Variants in GRIK2 observed in about 807,000 individuals in gnomAD.
GRIK2 encodes glutamate ionotropic receptor kainate type subunit 2, also known as glutamate receptor ionotropic, kainate 2.
A neutral mutation model predicts 100.3 loss-of-function variants in GRIK2; 32 were observed. The observed-to-expected ratio is 0.32, with a 90% CI of 0.24 to 0.43. The LOEUF is 0.43. Ranked by LOEUF, GRIK2 falls within the 20% of genes least tolerant of loss-of-function variation. The pLI, the probability that GRIK2 is intolerant of heterozygous loss-of-function variation, is 1.00. For missense variants in GRIK2, 843 were observed against 1,114.9 expected (o/e 0.76, Z 3.47); for synonymous variants, 417 against 389.4 (o/e 1.07, Z -0.83).
At chr6:101,630,545 C>T (rs1780680421) in intron 4 of GRIK2, among the ~76,000 whole-genome samples, 1 of 151,930 alleles carries the variant, frequency 6.6e-6, no homozygotes, top group Non-Finnish European at 1.5e-5. Flanking sequence ...CCTTTGCTTA[C>T]TTTTTTAATG....
rs1439714977 is a variant in GRIK2 at position 101,453,242 on chromosome 6, A to G, written c.115+53850A>G. The stretch of plus-strand genomic sequence containing the variant: ...CCGTTCCCAGTAGTTTCTTTTTTTC[A>G]TTCATCTTCAGATTTATCCATCCCT... On this transcript the variant is annotated intron_variant, in intron 2 of 16. Coordinates refer to ENST00000369134, the MANE Select transcript of GRIK2 (RefSeq NM_021956.5). 2.0e-5 allele frequency among the ~76,000 whole-genome samples: 3 copies of G among 151,064 alleles called. No individual in the cohort carries two copies. In the South Asian group the frequency reaches 6.2e-4, roughly 31 times the overall value.
intron 7 of GRIK2, among the ~76,000 whole-genome samples, chr6:101,758,845 CT>C (rs1777302986): frequency 6.6e-6 from 1 of 152,050 alleles, no homozygotes; most frequent in Non-Finnish European, 1.5e-5. Context: ...CATAGGAAAG[CT>C]TTTTGGAGAC....
intron 2 of GRIK2, among the ~76,000 whole-genome samples, chr6:101,429,744 G>A (rs1388941459): frequency 5.3e-5 from 8 of 151,808 alleles, no homozygotes; most frequent in East Asian, 1.9e-4. Flanking sequence ...ACACAATGAC[G>A]TGTTGCTGGG....
chr6:101,649,527 G>T (rs1781692133), intron 4 of GRIK2, among the ~76,000 whole-genome samples: 1 of 152,052 alleles, frequency 6.6e-6, no homozygotes, highest in African/African-American at 2.4e-5. Flanking sequence ...ATGTTTACTA[G>T]CTGATAATCA....
chr6:102,055,458 G>C lies in GRIK2; in HGVS notation c.2440G>C (p.Ala814Pro), dbSNP rs1771416544. 6.2e-7 allele frequency: 1 copy of C among 1,613,890 alleles called. No homozygotes were observed. The highest frequency in any genetic ancestry group is 8.5e-7 in the Non-Finnish European group (1 of 1,179,854). Reference sequence around the variant, plus strand: ...AGAAGAGGAGAGCAAAGAGGCCAGTGCCCTGGGGGTTCAGAATATTGGTGG... The same window carrying C: ...AGAAGAGGAGAGCAAAGAGGCCAGTCCCCTGGGGGTTCAGAATATTGGTGG... ...CPEEESKEAS[A>P]LGVQNIGGIF... The change falls in exon 16 of 17, where the codon GCC (alanine) becomes CCC (proline). Residue 814 changes from alanine to proline, a missense_variant. Ala to Pro is a conservative substitution (Grantham distance 27). This residue lies in a region of GRIK2 where 237 missense variants were observed against 388.0 expected (regional missense o/e 0.61). Transcript: ENST00000369134.
At chr6:101,717,244 A>G (rs1489257380) in intron 7 of GRIK2, among the ~76,000 whole-genome samples, 1 of 151,800 alleles carries the variant, frequency 6.6e-6, no homozygotes, top group African/African-American at 2.4e-5. Flanking sequence ...AGGGGGTTGG[A>G]TGAAAAAATT....
intron 7 of GRIK2, among the ~76,000 whole-genome samples, chr6:101,759,775 CTG>C (rs1330608020): frequency 2.6e-5 from 4 of 150,946 alleles, no homozygotes; most frequent in African/African-American, 7.4e-5. Context: ...CAATAATTGA[CTG>C]TTTTAAAATA....
intron 13 of GRIK2, among the ~76,000 whole-genome samples, chr6:101,925,949 A>G (rs1366575862): frequency 6.6e-6 from 1 of 151,838 alleles, no homozygotes; most frequent in African/African-American, 2.4e-5. Flanking sequence ...TTACCAATAA[A>G]TAATCTTTAA....
chr6:102,031,286 T>C (rs1450605501), intron 14 of GRIK2, among the ~76,000 whole-genome samples: 1 of 151,148 alleles, frequency 6.6e-6, no homozygotes, highest in Non-Finnish European at 1.5e-5. Flanking sequence ...TCATCATCCA[T>C]AGACAATCTG....
At chr6:101,635,002 A>T (rs1047798591) in intron 4 of GRIK2, among the ~76,000 whole-genome samples, 1 of 152,122 alleles carries the variant, frequency 6.6e-6, no homozygotes, top group Non-Finnish European at 1.5e-5. Flanking sequence ...AGGATAAAAT[A>T]AAATTAAAGT....
At chr6:101,466,746 A>G (rs1397638286) in intron 2 of GRIK2, among the ~76,000 whole-genome samples, 1 of 152,164 alleles carries the variant, frequency 6.6e-6, no homozygotes, top group Non-Finnish European at 1.5e-5. Context: ...GCAACCACAA[A>G]AGCTCTGATG....
intron 12 of GRIK2, among the ~76,000 whole-genome samples, chr6:101,919,501 AAC>A (rs1254992216): frequency 6.6e-6 from 1 of 151,840 alleles, no homozygotes; most frequent in Non-Finnish European, 1.5e-5. Context: ...TTCAATTTTA[AAC>A]ATTTTAAGCA....
intron 12 of GRIK2, among the ~76,000 whole-genome samples, chr6:101,894,837 A>G (rs1787338557): frequency 6.6e-6 from 1 of 151,638 alleles, no homozygotes; most frequent in Non-Finnish European, 1.5e-5. Flanking sequence ...TCTGAAATTC[A>G]TTATTGGTCT....
At chr6:101,710,785 G>A (rs60064652) in intron 7 of GRIK2, among the ~76,000 whole-genome samples, 2,698 of 151,708 alleles carry the variant, frequency 0.018, 59 homozygotes, top group African/African-American at 0.054. Flanking sequence ...GCACCAGGGT[G>A]GAAATATTAT....
At chr6:101,646,052 C>T (rs563729317) in intron 4 of GRIK2, among the ~76,000 whole-genome samples, 2 of 151,946 alleles carry the variant, frequency 1.3e-5, no homozygotes, top group South Asian at 4.2e-4. Flanking sequence ...TGTGACTGCC[C>T]ATTCTTCTCA....
rs945859451 is a variant in GRIK2 at position 102,008,253 on chromosome 6, G to A, written c.2086-27088G>A. On this transcript the variant is annotated intron_variant, in intron 14 of 16. Transcript: ENST00000369134. Reference sequence around the variant, plus strand: ...GATAGAAAAAGACAAGAAAGAGAAAGCATGCTTTTTAGAAAGAGGACTTGG... The same window carrying A: ...GATAGAAAAAGACAAGAAAGAGAAAACATGCTTTTTAGAAAGAGGACTTGG... Among the ~76,000 whole-genome samples, 22 of 152,040 alleles carry A rather than the reference G, an allele frequency of 1.4e-4. 1 individual carries two copies. The highest frequency in any genetic ancestry group is 3.9e-4 in the Admixed American group (6 of 15,256).
intron 2 of GRIK2, among the ~76,000 whole-genome samples, chr6:101,432,261 A>T (rs1433149009): frequency 1.3e-5 from 2 of 152,108 alleles, no homozygotes; most frequent in Non-Finnish European, 2.9e-5. Context: ...TGCTTCCTGA[A>T]TCATTCATTG....
chr6:102,034,872 T>C (rs1323908733), intron 14 of GRIK2, among the ~76,000 whole-genome samples: 1 of 151,374 alleles, frequency 6.6e-6, no homozygotes, highest in Non-Finnish European at 1.5e-5. Context: ...AGCATCTGTG[T>C]TACGTTAACC....
In GRIK2 at chr6:101,864,685, A is replaced by C. The variant is rs577440717; in HGVS notation, c.1524+5192A>C. Among the ~76,000 whole-genome samples the C allele has an allele frequency of 1.6e-4, 24 of 152,250 alleles. 1 individual carries two copies. The highest frequency in any genetic ancestry group is 1.6e-3 in the Admixed American group (24 of 15,294). The stretch of plus-strand genomic sequence containing the variant: ...ATTATTATTATGGTTAATGTATCCA[A>C]AAAGGTGCCAATGTTTTTGAATGTT... On this transcript the variant is annotated intron_variant, in intron 11 of 16. Transcript: ENST00000369134.
Sources: allele counts gnomAD v4.1 joint callset (sites outside exome capture counted in the v4.1 genomes callset), GRCh38; gene constraint gnomAD v4.1.1; regional missense constraint gnomAD v4.1.1; transcripts MANE v1.5; gene names NCBI Gene and HGNC (gene_info 2026-07-23, HGNC 2026-07-21).